Variants in SCNN1D observed in about 807,000 individuals in gnomAD.
SCNN1D encodes epithelial sodium channel subunit delta.
In SCNN1D, 104 loss-of-function variants were observed where a neutral mutation model predicts 87.8. That is an observed-to-expected ratio of 1.18 (90% CI 1.01 to 1.39). The LOEUF is 1.39. Among genes scored for constraint, SCNN1D ranks in the 40% most tolerant of loss-of-function variants. SCNN1D has a pLI of 0.00. For missense variants in SCNN1D, 1,324 were observed against 1,093.9 expected, an observed-to-expected ratio of 1.21 and a Z score of -2.97; for synonymous variants, 628 against 481.2, an observed-to-expected ratio of 1.31 and a Z score of -3.99.
At chr1:1,287,479 C>A in intron 9 of SCNN1D, 29 bp from the exon 10 acceptor site, 2 of 1,513,954 alleles carry the variant, frequency 1.3e-6, no homozygotes, top group South Asian at 1.3e-5. Flanking sequence ...AGCCGACATT[C>A]AAGGTCTGAG....
intron 12 of SCNN1D, 31 bp downstream of exon 12, chr1:1,288,068 C>A: frequency 3.3e-6 from 4 of 1,194,210 alleles, no homozygotes; most frequent in African/African-American, 1.7e-5. Flanking sequence ...GGTGCGGGGG[C>A]AGGTGAGGCT....
Position 1,290,258 on chromosome 1 carries a change from C to A in SCNN1D, c.1663-13C>A, listed in dbSNP as rs750884683. The A allele has an allele frequency of 1.2e-5, 18 of 1,543,626 alleles. No individual in the cohort carries two copies. The highest frequency in any genetic ancestry group is 1.4e-5 in the Non-Finnish European group (16 of 1,143,886). ...CTCCATCCCATGTCCCTGCTCATCC[C>A]CCCTGTCCCCAGGCCTGCCTGGTGT... On this transcript the variant is annotated splice_polypyrimidine_tract_variant and intron_variant, in intron 12 of 17. Transcript: ENST00000379116.
At chr1:1,285,830 G>C (rs1039900188) in intron 6 of SCNN1D, 96 bp from the exon 7 acceptor site, 16 of 1,327,108 alleles carry the variant, frequency 1.2e-5, no homozygotes, top group Non-Finnish European at 1.6e-5. Context: ...CGAGCAGGTA[G>C]GGCGGGGCAC....
rs1219643432 is a variant in SCNN1D, at chr1:1,285,672, C to T, written c.558+8C>T. On this transcript the variant is annotated splice_region_variant and intron_variant, in intron 6 of 17. Coordinates refer to ENST00000379116, the MANE Select transcript of SCNN1D (RefSeq NM_001130413.4). ...GCCTGCAAACAGGGCCAGGTAGGGC[C>T]TGAGCACCCTGTTCTCTGAGTCCTG... 16 of 1,528,052 alleles carry T rather than the reference C, an allele frequency of 1.0e-5. No homozygotes were observed. The allele number at this position is 1,528,052 out of a possible 1,614,324, so 94.7% of individuals were successfully genotyped here.
In SCNN1D at chr1:1,290,385, T is replaced by A. The variant is rs747869808; in HGVS notation, c.1777T>A (p.Trp593Arg). 7 of 1,604,008 alleles carry A rather than the reference T, an allele frequency of 4.4e-6. No individual in the cohort carries two copies. Among genetic ancestry groups the A allele is most frequent in the Non-Finnish European group, 6.0e-6 (7 of 1,174,266 alleles). Reference protein sequence around the residue: ...EYCSSARHPAWGHCFYRLYQD... With the variant: ...EYCSSARHPARGHCFYRLYQD... Reference sequence around the variant, plus strand: ...CTGCAGCTCTGCCCGGCACCCTGCCTGGGGTGAGTCCTGCTCGCTGCCTCC... The same window carrying A: ...CTGCAGCTCTGCCCGGCACCCTGCCAGGGGTGAGTCCTGCTCGCTGCCTCC... Residue 593 changes from tryptophan to arginine, a missense_variant, in exon 13 of 18, where the codon TGG becomes AGG. By Grantham distance (101) the Trp-to-Arg change is moderately radical. Transcript: ENST00000379116.
rs1406059695 is a variant in SCNN1D, at chr1:1,287,653, A to G, written c.1400-20A>G. The G allele has an allele frequency of 4.3e-6, 7 of 1,611,716 alleles. No individual in the cohort carries two copies. The highest frequency in any genetic ancestry group is 5.9e-6 in the Non-Finnish European group (7 of 1,179,464). On this transcript the variant is annotated intron_variant, in intron 10 of 17. Coordinates refer to ENST00000379116, the MANE Select transcript of SCNN1D (RefSeq NM_001130413.4). ...AGGGGTGCAGGTCAGGTGGCCTCACACCAGCCCTTGGCCTCCCAGGAGTCG... is the reference window on the plus strand; with the variant it reads ...AGGGGTGCAGGTCAGGTGGCCTCACGCCAGCCCTTGGCCTCCCAGGAGTCG...
rs1339833834 is a variant in SCNN1D, at chr1:1,290,645, C to T, written c.1868C>T (p.Ala623Val). ...SRCPRPCRES[A>V]FKLSTGTSRW... is the part of the protein sequence containing the mutation. ...CCGGCTGTCTCTTCCAGGGAGTCTG[C>T]ATTCAAGCTCTCCACTGGGACCTCC... The change falls in exon 15 of 18, where the codon GCA becomes GTA. Residue 623 changes from alanine (A) to valine (V), a missense_variant. Physicochemically the swap from Ala to Val is moderately conservative, Grantham distance 64 (BLOSUM62 0). Coordinates refer to ENST00000379116, the MANE Select transcript of SCNN1D (RefSeq NM_001130413.4). 6.2e-7 allele frequency: 1 copy of T among 1,612,666 alleles called. No homozygotes were observed. The highest frequency in any genetic ancestry group is 2.2e-5 in the East Asian group (1 of 44,884).
intron 5 of SCNN1D, among the ~76,000 whole-genome samples, chr1:1,284,647 G>A (rs1273405061): frequency 6.6e-6 from 1 of 151,992 alleles, no homozygotes; most frequent in African/African-American, 2.4e-5. Flanking sequence ...TGCACAGTGT[G>A]TGCTGGACCA....
Position 1,286,227 on chromosome 1 carries a change from C to T in SCNN1D, c.860C>T (p.Ser287Leu), listed in dbSNP as rs758706265. 118 of 1,597,258 alleles carry T rather than the reference C, an allele frequency of 7.4e-5. No homozygotes were observed. Among genetic ancestry groups the T allele is most frequent in the Non-Finnish European group, 9.4e-5 (111 of 1,177,120 alleles). The change falls in exon 7 of 18, where the codon TCG (serine) becomes TTG (leucine). Residue 287 changes from serine to leucine, a missense_variant. Coordinates refer to ENST00000379116, the MANE Select transcript of SCNN1D (RefSeq NM_001130413.4). ...RPVLMAVSVH[S>L]ERKLLPLVTL... The stretch of plus-strand genomic sequence containing the variant: ...GTCCTCATGGCCGTCTCTGTGCACT[C>T]GGAGCGCAAGCTGCTCCCGCTGGTC...
At position 1,286,054 on chromosome 1, in the gene SCNN1D, C is replaced by A; in HGVS notation, c.687C>A (p.Thr229=). 1.3e-6 allele frequency: 2 copies of A among 1,589,300 alleles called. No individual in the cohort carries two copies. Among genetic ancestry groups the A allele is most frequent in the Non-Finnish European group, 1.7e-6 (2 of 1,168,308 alleles). The change falls in exon 7 of 18, where the codon ACC becomes ACA. Residue 229 remains threonine, a synonymous_variant. Transcript: ENST00000379116. ...GGGAGCTGCTCACCTTCTTCTGCAC[C>A]AATGCCACCATCCACGGCGCCATCC... ...SFRELLTFFC[T]NATIHGAIRL...
Position 1,291,562 on chromosome 1 carries a change from C to A in SCNN1D, c.2361C>A (p.Ala787=). The change falls in exon 18 of 18, where the codon GCC becomes GCA. Residue 787 remains alanine (A), a synonymous_variant. Transcript: ENST00000379116. Reference sequence around the variant, plus strand: ...CAGGGGTTCTGGCGGGAGTCTCAGCCGAAGAGAGCTGGGCTGGGCCCCAGC... The same window carrying A: ...CAGGGGTTCTGGCGGGAGTCTCAGCAGAAGAGAGCTGGGCTGGGCCCCAGC... ...MLPGVLAGVS[A]EESWAGPQPL... is the part of the protein sequence containing the mutation. 1.3e-6 allele frequency: 2 copies of A among 1,586,538 alleles called. No homozygotes were observed. The highest frequency in any genetic ancestry group is 1.7e-6 in the Non-Finnish European group (2 of 1,162,754).
In SCNN1D at chr1:1,285,650, T is replaced by C. The variant is rs1430105816; in HGVS notation, c.544T>C (p.Cys182Arg). 6.5e-7 allele frequency: 1 copy of C among 1,545,504 alleles called. No homozygotes were observed. Among genetic ancestry groups the C allele is most frequent in the Non-Finnish European group, 8.7e-7 (1 of 1,144,520 alleles). The change falls in exon 6 of 18, where the codon TGC (cysteine) becomes CGC (arginine). Residue 182 changes from cysteine (C) to arginine (R), a missense_variant. Coordinates refer to ENST00000379116, the MANE Select transcript of SCNN1D (RefSeq NM_001130413.4). ...CAGACCCACTCAGCACAACGCTGCC[T>C]GCAAACAGGGCCAGGTAGGGCCTGA... Reference protein sequence around the residue: ...QHRPTQHNAACKQGQAAAQTP... With the variant: ...QHRPTQHNAARKQGQAAAQTP...
Position 1,281,440 on chromosome 1 carries a change from G to T in SCNN1D, c.107G>T (p.Arg36Met). 6.6e-7 allele frequency: 1 copy of T among 1,520,490 alleles called. No homozygotes were observed. The highest frequency in any genetic ancestry group is 8.8e-7 in the Non-Finnish European group (1 of 1,138,304). The allele number at this position is 1,520,490 out of a possible 1,614,324, so 94.2% of individuals were successfully genotyped here. The stretch of plus-strand genomic sequence containing the variant: ...ACCTGGTCATGGTGCAGTGACCACA[G>T]GACCCCCACATGCCGGGAGCTGGGT... ...RLTWSWCSDH[R>M]TPTCRELGSP... The change falls in exon 3 of 18, where the codon AGG becomes ATG. Residue 36 changes from arginine (R) to methionine (M), a missense_variant. By Grantham distance (91) the Arg-to-Met change is moderately conservative. Coordinates refer to ENST00000379116, the MANE Select transcript of SCNN1D (RefSeq NM_001130413.4).
rs766529269 is a variant in SCNN1D, at chr1:1,290,500, C to T, written c.1804C>T (p.Gln602Ter). Residue 602 changes from glutamine (Q) to a stop codon, truncating the protein, a stop_gained, in exon 14 of 18, where the codon CAG (glutamine) becomes TAG (stop). Transcript: ENST00000379116. LOFTEE classifies it high-confidence loss of function. ...AWGHCFYRLY[Q>*]DLETHRLPCT... ...AGGACACTGCTTCTACCGCCTCTAC[C>T]AGGACCTGGAGACCCACCGGCTCCC... The T allele has an allele frequency of 1.2e-6, 2 of 1,612,704 alleles. No homozygotes were observed. Among genetic ancestry groups the T allele is most frequent in the Non-Finnish European group, 1.7e-6 (2 of 1,179,920 alleles).
chr1:1,285,279 C>T (rs1257356185), intron 5 of SCNN1D, among the ~76,000 whole-genome samples: 1 of 152,260 alleles, frequency 6.6e-6, no homozygotes, highest in Admixed American at 6.5e-5. Flanking sequence ...ACTCCAGAGC[C>T]TCCAGCGCGG....
intron 1 of SCNN1D, 79 bp downstream of exon 1, chr1:1,280,745 G>A (rs943091372): frequency 1.4e-6 from 1 of 693,438 alleles, no homozygotes; most frequent in Non-Finnish European, 2.7e-6. Context: ...AAGACCAGGG[G>A]TCCATCCAGA....
intron 4 of SCNN1D, among the ~76,000 whole-genome samples, chr1:1,283,004 G>A (rs1425947056): frequency 6.6e-6 from 1 of 151,898 alleles, no homozygotes; most frequent in Admixed American, 6.6e-5. Context: ...CGCCCGCCTC[G>A]GCCTCCCAAA....
intron 1 of SCNN1D, 153 bp from the exon 2 acceptor site, chr1:1,281,073 C>G (rs1347282699): frequency 1.3e-6 from 1 of 743,132 alleles, no homozygotes; most frequent in Non-Finnish European, 2.2e-6. Context: ...GGAATCCCGA[C>G]CTTGGGCTGC....
chr1:1,290,128 C>CCGTGTCTCTGCTCCGT (rs1640742296), intron 12 of SCNN1D, 143 bp from the exon 13 acceptor site: 48 of 254,574 alleles, frequency 1.9e-4, no homozygotes, highest in East Asian at 1.9e-3. Context: ...CTGCTCCGTC[C>CCGTGTCTCTGCTCCGT]CCCGTGTCTC....
Sources: gnomAD v4.1 joint callset for allele counts (sites outside exome capture counted in the v4.1 genomes callset) on GRCh38, gnomAD v4.1.1 for gene constraint, MANE v1.5 for transcripts, NCBI Gene and HGNC (gene_info 2026-07-23, HGNC 2026-07-21) for gene names.